Variants in ANKH observed in about 807,000 individuals in gnomAD.
ANKH encodes ANKH inorganic pyrophosphate transport regulator.
Under a neutral mutation model 49.0 loss-of-function variants are expected in ANKH, and 15 were observed. That is an observed-to-expected ratio of 0.31 (90% CI 0.20 to 0.47). The LOEUF is 0.47. Among genes scored for constraint, ANKH ranks in the 20% least tolerant of loss-of-function variants. The pLI is 1.00. For missense variants in ANKH, 429 were observed against 652.0 expected, an observed-to-expected ratio of 0.66 and a Z score of 3.72; for synonymous variants, 273 against 260.0, an observed-to-expected ratio of 1.05 and a Z score of -0.48.
At chr5:14,749,546 T>C (rs1465895467) in intron 5 of ANKH, among the ~76,000 whole-genome samples, 1 of 151,852 alleles carries the variant, frequency 6.6e-6, no homozygotes, top group Non-Finnish European at 1.5e-5. Flanking sequence ...CACACTGAAG[T>C]TTAATGGATC....
intron 1 of ANKH, among the ~76,000 whole-genome samples, chr5:14,859,357 A>G (rs950132950): frequency 5.9e-5 from 9 of 152,182 alleles, no homozygotes; most frequent in African/African-American, 2.2e-4. Flanking sequence ...ATTCCTTTTT[A>G]AGGCTGTATA....
intron 1 of ANKH, among the ~76,000 whole-genome samples, chr5:14,793,047 T>TATATATATAAAA (rs1209292505): frequency 1.5e-5 from 1 of 64,784 alleles, no homozygotes; most frequent in Non-Finnish European, 2.8e-5. Flanking sequence ...AATATATATA[T>TATATATATAAAA]AAATATATAT....
chr5:14,794,272 G>A (rs1285319516), intron 1 of ANKH, among the ~76,000 whole-genome samples: 2 of 152,240 alleles, frequency 1.3e-5, no homozygotes, highest in African/African-American at 4.8e-5. Flanking sequence ...AATTTCTCAT[G>A]CTGGAACTAT....
At chr5:14,819,574 G>A (rs1449458426) in intron 1 of ANKH, among the ~76,000 whole-genome samples, 1 of 152,066 alleles carries the variant, frequency 6.6e-6, no homozygotes, top group African/African-American at 2.4e-5. Context: ...ATTAAAATAC[G>A]TGAAGCCTTG....
intron 8 of ANKH, among the ~76,000 whole-genome samples, chr5:14,726,980 C>A (rs1482433592): frequency 6.6e-6 from 1 of 152,202 alleles, no homozygotes; most frequent in Non-Finnish European, 1.5e-5. Context: ...ACATCCGCGT[C>A]TTGCTCAGTG....
intron 1 of ANKH, among the ~76,000 whole-genome samples, chr5:14,799,300 G>A (rs1740491291): frequency 1.3e-5 from 2 of 152,224 alleles, no homozygotes; most frequent in Admixed American, 6.5e-5. Flanking sequence ...AAAGTACAAG[G>A]TAAAGCAGCA....
At chr5:14,764,285 G>A (rs560340377) in intron 2 of ANKH, among the ~76,000 whole-genome samples, 1 of 152,142 alleles carries the variant, frequency 6.6e-6, no homozygotes, top group South Asian at 2.1e-4. Flanking sequence ...TGGGAGTGAT[G>A]GTGGGCCCGT....
intron 6 of ANKH, among the ~76,000 whole-genome samples, chr5:14,748,799 C>T (rs536945794): frequency 3.3e-5 from 5 of 152,326 alleles, no homozygotes; most frequent in African/African-American, 7.2e-5. Context: ...TCTGCCACCA[C>T]GGTGAAGAGG....
chr5:14,821,832 T>C (rs895414960), intron 1 of ANKH, among the ~76,000 whole-genome samples: 1 of 152,210 alleles, frequency 6.6e-6, no homozygotes, highest in Non-Finnish European at 1.5e-5. Context: ...CCCTCTGATG[T>C]GGATTTTTAA....
At chr5:14,741,994 G>T in intron 7 of ANKH, 72 bp from the exon 8 acceptor site, 2 of 1,160,476 alleles carry the variant, frequency 1.7e-6, no homozygotes, top group South Asian at 2.5e-5. Flanking sequence ...GGATCTTGAA[G>T]AGCATCTTGC....
At chr5:14,740,486 T>C (rs1294209185) in intron 8 of ANKH, among the ~76,000 whole-genome samples, 1 of 152,012 alleles carries the variant, frequency 6.6e-6, no homozygotes. Flanking sequence ...TCTTCTGCAG[T>C]GAGGCAGTGC....
rs556870868 is a variant in ANKH, at chr5:14,723,034, G to A, written c.1012-6199C>T. Among the ~76,000 whole-genome samples the A allele has an allele frequency of 1.6e-4, 25 of 151,922 alleles. 1 individual carries two copies. In the East Asian group the frequency reaches 3.7e-3, roughly 22 times the overall value. On this transcript the variant is annotated intron_variant, in intron 8 of 11. Coordinates refer to ENST00000284268, the MANE Select transcript of ANKH (RefSeq NM_054027.6). ...TTGAGGGACCTTCTACCAAATACCC[G>A]ACCAGAACTCCTCAAAACCGTTGAG...
chr5:14,723,094 G>T, intron 8 of ANKH, among the ~76,000 whole-genome samples: 1 of 152,104 alleles, frequency 6.6e-6, no homozygotes, highest in Non-Finnish European at 1.5e-5. Context: ...AACTCTCAGA[G>T]ACCAGAGGAG....
chr5:14,856,606 G>A (rs941251422), intron 1 of ANKH, among the ~76,000 whole-genome samples: 1 of 120,728 alleles, frequency 8.3e-6, no homozygotes, highest in Non-Finnish European at 1.8e-5. Context: ...TCTGGATGAA[G>A]ATGAACCATT....
chr5:14,764,141 T>TAA (rs1455324877), intron 2 of ANKH, among the ~76,000 whole-genome samples: 1 of 152,136 alleles, frequency 6.6e-6, no homozygotes, highest in Non-Finnish European at 1.5e-5. Flanking sequence ...AAATATCCCT[T>TAA]GAGTCTTCCC....
intron 1 of ANKH, among the ~76,000 whole-genome samples, chr5:14,860,852 G>A (rs970097735): frequency 8.6e-5 from 13 of 151,998 alleles, no homozygotes; most frequent in African/African-American, 3.1e-4. Context: ...GCATGATCTC[G>A]GCTCACTGCA....
intron 1 of ANKH, among the ~76,000 whole-genome samples, chr5:14,828,213 T>C (rs1162812576): frequency 6.6e-6 from 1 of 152,142 alleles, no homozygotes; most frequent in Non-Finnish European, 1.5e-5. Flanking sequence ...AGCTTCTGGC[T>C]GGGAGTGGTG....
chr5:14,843,549 G>GAAA (rs60487783), intron 1 of ANKH, among the ~76,000 whole-genome samples: 14,516 of 60,774 alleles, frequency 0.24, 1,889 homozygotes, highest in East Asian at 0.26. Context: ...GGGGATTAGC[G>GAAA]AAAAAAAAAA....
At chr5:14,840,837 T>C (rs1260734974) in intron 1 of ANKH, among the ~76,000 whole-genome samples, 1 of 152,144 alleles carries the variant, frequency 6.6e-6, no homozygotes, top group Non-Finnish European at 1.5e-5. Context: ...CCAAGGGGCA[T>C]CCTGGAAGGT....
Sources: gnomAD v4.1 joint callset for allele counts (sites outside exome capture counted in the v4.1 genomes callset) on GRCh38, gnomAD v4.1.1 for gene constraint, MANE v1.5 for transcripts, NCBI Gene and HGNC (gene_info 2026-07-23, HGNC 2026-07-21) for gene names.